Variants in NRG3 observed in about 807,000 individuals in gnomAD.
The protein encoded by NRG3 is neuregulin 3, also known as pro-neuregulin-3, membrane-bound isoform.
In NRG3, 31 loss-of-function variants were observed where a neutral mutation model predicts 66.9. The observed-to-expected ratio is 0.46, with a 90% CI of 0.35 to 0.63. The LOEUF (loss-of-function observed/expected upper bound fraction) is 0.63. NRG3 is among the 20% of genes least tolerant of loss of function. NRG3 has a pLI of 0.00. For missense variants in NRG3, 910 were observed against 878.9 expected, an observed-to-expected ratio of 1.04 and a Z score of -0.45; for synonymous variants, 393 against 359.4, an observed-to-expected ratio of 1.09 and a Z score of -1.06.
At chr10:82,472,883 C>G (rs1477124056) in intron 2 of NRG3, among the ~76,000 whole-genome samples, 1 of 152,132 alleles carries the variant, frequency 6.6e-6, no homozygotes, top group African/African-American at 2.4e-5. Context: ...TAAGCCAAGC[C>G]AACAATAGGC....
chr10:81,935,984 C>G (rs1847828310), intron 1 of NRG3, among the ~76,000 whole-genome samples: 1 of 151,608 alleles, frequency 6.6e-6, no homozygotes, highest in Non-Finnish European at 1.5e-5. Flanking sequence ...ACTGGTTTGT[C>G]TTACCCAGTG....
At chr10:82,959,529 G>A (rs565827720) in intron 6 of NRG3, among the ~76,000 whole-genome samples, 23 of 152,268 alleles carry the variant, frequency 1.5e-4, no homozygotes, top group African/African-American at 5.5e-4. Context: ...AGTGGGAGGT[G>A]GATGGGGGTA....
chr10:82,026,744 C>G (rs2062329683), intron 1 of NRG3, among the ~76,000 whole-genome samples: 1 of 151,756 alleles, frequency 6.6e-6, no homozygotes, highest in African/African-American at 2.4e-5. Flanking sequence ...TGAAAAAGAG[C>G]AAGGCCTGTG....
chr10:82,392,215 C>T (rs1250680035), intron 2 of NRG3, among the ~76,000 whole-genome samples: 2 of 152,130 alleles, frequency 1.3e-5, no homozygotes, highest in Non-Finnish European at 2.9e-5. Flanking sequence ...GCTTGTAGTG[C>T]TCCCGTCATT....
At chr10:82,321,224 C>A (rs1199533202) in intron 1 of NRG3, among the ~76,000 whole-genome samples, 1 of 152,052 alleles carries the variant, frequency 6.6e-6, no homozygotes, top group Non-Finnish European at 1.5e-5. Context: ...CTGTGTGCTC[C>A]CCCTCCAGTA....
intron 1 of NRG3, among the ~76,000 whole-genome samples, chr10:82,226,029 T>A (rs1194341168): frequency 6.6e-6 from 1 of 152,080 alleles, no homozygotes; most frequent in African/African-American, 2.4e-5. Flanking sequence ...CATTTTAGTA[T>A]CTCCAAAAAC....
intron 3 of NRG3, among the ~76,000 whole-genome samples, chr10:82,823,823 T>C (rs1348089846): frequency 6.6e-6 from 1 of 152,166 alleles, no homozygotes; most frequent in Non-Finnish European, 1.5e-5. Flanking sequence ...TAGACCCAGT[T>C]CTTTTTTTTA....
intron 2 of NRG3, among the ~76,000 whole-genome samples, chr10:82,366,148 A>G (rs1487565322): frequency 2.0e-5 from 3 of 152,100 alleles, no homozygotes; most frequent in Non-Finnish European, 4.4e-5. Flanking sequence ...TCAATATTTA[A>G]TTTTTTTAAG....
chr10:82,502,414 T>C (rs1165540025), intron 2 of NRG3, among the ~76,000 whole-genome samples: 3 of 152,214 alleles, frequency 2.0e-5, no homozygotes, highest in African/African-American at 7.2e-5. Flanking sequence ...AGATACATTG[T>C]AAAAGGCTTT....
chr10:82,335,030 G>A (rs1267455430), intron 1 of NRG3, among the ~76,000 whole-genome samples: 7 of 152,222 alleles, frequency 4.6e-5, no homozygotes, highest in Admixed American at 1.3e-4. Context: ...TTCATCCTCC[G>A]TGGCCTTTAC....
intron 1 of NRG3, among the ~76,000 whole-genome samples, chr10:82,091,995 A>G (rs2066054341): frequency 1.3e-5 from 2 of 152,176 alleles, no homozygotes; most frequent in Admixed American, 1.3e-4. Flanking sequence ...TTGAAACATG[A>G]CAATAATTAG....
At chr10:81,990,498 A>G (rs1012222179) in intron 1 of NRG3, among the ~76,000 whole-genome samples, 2 of 152,194 alleles carry the variant, frequency 1.3e-5, no homozygotes, top group African/African-American at 2.4e-5. Context: ...ACATATTCAC[A>G]TTGGTTTCAC....
intron 2 of NRG3, among the ~76,000 whole-genome samples, chr10:82,567,957 C>T (rs1203271539): frequency 6.6e-6 from 1 of 151,896 alleles, no homozygotes; most frequent in Non-Finnish European, 1.5e-5. Context: ...GTAGTTAAGC[C>T]TGGACATCCT....
intron 2 of NRG3, among the ~76,000 whole-genome samples, chr10:82,540,687 T>C (rs1481126): frequency 0.35 from 52,838 of 151,866 alleles, 10,573 homozygotes; most frequent in African/African-American, 0.55. Context: ...ATTAATCCAA[T>C]ATATAAAGAT....
intron 2 of NRG3, among the ~76,000 whole-genome samples, chr10:82,630,195 C>T (rs1267974211): frequency 3.3e-5 from 5 of 151,562 alleles, no homozygotes; most frequent in Non-Finnish European, 7.4e-5. Context: ...CAAATGAATT[C>T]GGAATAAGAA....
At chr10:82,246,475 A>G (rs187958826) in intron 1 of NRG3, among the ~76,000 whole-genome samples, 13 of 152,340 alleles carry the variant, frequency 8.5e-5, no homozygotes, top group African/African-American at 3.1e-4. Flanking sequence ...GGATGAAAAA[A>G]TCTAAACAAA....
chr10:82,373,836 G>T (rs577995611), intron 2 of NRG3, among the ~76,000 whole-genome samples: 1 of 152,218 alleles, frequency 6.6e-6, no homozygotes, highest in South Asian at 2.1e-4. Context: ...TTCTGCCTGG[G>T]TTAGCATATG....
chr10:82,292,263 T>C (rs532150416), intron 1 of NRG3, among the ~76,000 whole-genome samples: 1 of 151,908 alleles, frequency 6.6e-6, no homozygotes, highest in Admixed American at 6.6e-5. Context: ...AAAACCACAA[T>C]TGATATCAAT....
intron 1 of NRG3, among the ~76,000 whole-genome samples, chr10:81,973,159 G>A (rs1486937149): frequency 6.6e-6 from 1 of 152,074 alleles, no homozygotes; most frequent in Admixed American, 6.5e-5. Flanking sequence ...AGAACATGCA[G>A]CATTTTGTTT....
Sources: allele counts gnomAD v4.1 joint callset (sites outside exome capture counted in the v4.1 genomes callset), GRCh38; gene constraint gnomAD v4.1.1; transcripts MANE v1.5; gene names NCBI Gene and HGNC (gene_info 2026-07-23, HGNC 2026-07-21).